ALCAM: variants seen among roughly 807,000 people sequenced by gnomAD.
ALCAM encodes the protein activated leukocyte cell adhesion molecule, also known as CD166 antigen.
Under a neutral mutation model 70.9 loss-of-function variants are expected in ALCAM, and 30 were observed. The ratio of observed to expected loss-of-function variants is 0.42; its 90% CI spans 0.32 to 0.57. ALCAM has a LOEUF of 0.57. Ranked by LOEUF, ALCAM falls within the 20% of genes least tolerant of loss-of-function variation. ALCAM has a pLI of 0.11. For missense variants in ALCAM, 591 were observed against 695.1 expected (o/e 0.85, Z 1.68); for synonymous variants, 249 against 242.5 (o/e 1.03, Z -0.25).
At chr3:105,441,916 T>C (rs961262432) in intron 1 of ALCAM, among the ~76,000 whole-genome samples, 1 of 152,222 alleles carries the variant, frequency 6.6e-6, no homozygotes, top group Non-Finnish European at 1.5e-5. Flanking sequence ...ATATATTCAT[T>C]CCAAGAGTGT....
intron 1 of ALCAM, among the ~76,000 whole-genome samples, chr3:105,437,252 ATTTTACTT>A (rs1937069606): frequency 6.6e-6 from 1 of 152,132 alleles, no homozygotes; most frequent in Admixed American, 6.5e-5. Context: ...AAGTTTTTTT[ATTTTACTT>A]ACAACTGATT....
At chr3:105,536,218 C>G (rs1171766960) in intron 6 of ALCAM, among the ~76,000 whole-genome samples, 1 of 151,788 alleles carries the variant, frequency 6.6e-6, no homozygotes, top group East Asian at 1.9e-4. Flanking sequence ...CTCAGCCTCC[C>G]AAGTAGCTGG....
chr3:105,385,609 G>A (rs1472697403), intron 1 of ALCAM, among the ~76,000 whole-genome samples: 5 of 151,522 alleles, frequency 3.3e-5, no homozygotes, highest in Non-Finnish European at 7.4e-5. Context: ...TTCTTATTTC[G>A]AAGTGGGAAG....
intron 4 of ALCAM, 128 bp downstream of exon 4, chr3:105,532,194 C>A: frequency 1.3e-6 from 1 of 764,478 alleles, no homozygotes; most frequent in Non-Finnish European, 2.2e-6. Context: ...AGCTACCAAT[C>A]AGAAATTATC....
At chr3:105,523,188 G>GCC (rs1388332865) in intron 2 of ALCAM, among the ~76,000 whole-genome samples, 1 of 146,314 alleles carries the variant, frequency 6.8e-6, no homozygotes, top group Non-Finnish European at 1.5e-5. Flanking sequence ...GAAAACACCT[G>GCC]CCATAAAGTT....
chr3:105,454,838 T>C (rs955111522), intron 1 of ALCAM, among the ~76,000 whole-genome samples: 4 of 150,558 alleles, frequency 2.7e-5, no homozygotes, highest in African/African-American at 9.7e-5. Flanking sequence ...CCCAGCTGAT[T>C]TGTGTGTGTG....
intron 6 of ALCAM, among the ~76,000 whole-genome samples, chr3:105,536,278 G>A (rs1303816191): frequency 1.3e-5 from 2 of 151,952 alleles, no homozygotes; most frequent in African/African-American, 4.8e-5. Flanking sequence ...ATTTTTAGTA[G>A]AGGTGGGGTT....
intron 14 of ALCAM, among the ~76,000 whole-genome samples, chr3:105,570,651 T>C (rs1384519705): frequency 6.6e-6 from 1 of 152,136 alleles, no homozygotes; most frequent in African/African-American, 2.4e-5. Context: ...GTAAAATAAA[T>C]AAATACATTG....
At chr3:105,501,946 T>G (rs892181634) in intron 1 of ALCAM, among the ~76,000 whole-genome samples, 2 of 152,238 alleles carry the variant, frequency 1.3e-5, no homozygotes, top group African/African-American at 4.8e-5. Flanking sequence ...CACTTATCAA[T>G]TGATATAGAG....
chr3:105,540,201 A>G, intron 7 of ALCAM, 99 bp downstream of exon 7: 2 of 1,239,002 alleles, frequency 1.6e-6, no homozygotes, highest in South Asian at 3.7e-5. Context: ...TTATTGCTGG[A>G]GACAAGAGAC....
chr3:105,511,914 C>T (rs1939249639), intron 1 of ALCAM, among the ~76,000 whole-genome samples: 1 of 151,826 alleles, frequency 6.6e-6, no homozygotes, highest in Admixed American at 6.6e-5. Flanking sequence ...CTTTTTTATC[C>T]CTGGTAATTC....
At chr3:105,436,981 A>G (rs1285379818) in intron 1 of ALCAM, among the ~76,000 whole-genome samples, 4 of 152,184 alleles carry the variant, frequency 2.6e-5, no homozygotes, top group African/African-American at 9.7e-5. Context: ...TCTTTCAACA[A>G]CTGTATTTGA....
chr3:105,534,343 G>A (rs1939916511), intron 5 of ALCAM, among the ~76,000 whole-genome samples: 1 of 152,126 alleles, frequency 6.6e-6, no homozygotes, highest in South Asian at 2.1e-4. Context: ...CTTTAAGTAT[G>A]TACTAAATTA....
At chr3:105,430,027 G>T (rs919318001) in intron 1 of ALCAM, among the ~76,000 whole-genome samples, 1 of 151,884 alleles carries the variant, frequency 6.6e-6, no homozygotes, top group African/African-American at 2.4e-5. Flanking sequence ...TTAAATCTAT[G>T]CAGTAGAGCA....
At chr3:105,472,551 T>C (rs1937964620) in intron 1 of ALCAM, among the ~76,000 whole-genome samples, 1 of 151,644 alleles carries the variant, frequency 6.6e-6, no homozygotes, top group East Asian at 1.9e-4. Flanking sequence ...TTTCCTCTTA[T>C]TCTGTCTAGA....
At chr3:105,546,335 G>T (rs992394663) in intron 9 of ALCAM, among the ~76,000 whole-genome samples, 1 of 151,292 alleles carries the variant, frequency 6.6e-6, no homozygotes, top group Non-Finnish European at 1.5e-5. Context: ...AAATTATTTT[G>T]TATTGCTTTA....
intron 1 of ALCAM, among the ~76,000 whole-genome samples, chr3:105,491,281 C>T (rs1938578254): frequency 6.6e-6 from 1 of 152,220 alleles, no homozygotes; most frequent in South Asian, 2.1e-4. Context: ...ACCATTTTTT[C>T]CTCCTAGGTC....
chr3:105,531,192 ATAACT>A (rs1328546490), intron 3 of ALCAM: 1 of 152,104 alleles, frequency 6.6e-6, no homozygotes, highest in African/African-American at 2.4e-5. Context: ...TAAGAATAAA[ATAACT>A]TAAAATCAGT....
chr3:105,529,797 T>C (rs367926161), intron 3 of ALCAM, among the ~76,000 whole-genome samples: 1 of 152,108 alleles, frequency 6.6e-6, no homozygotes, highest in South Asian at 2.1e-4. Context: ...ACAAAGTGTT[T>C]ATGATTATGG....
Sources: gnomAD v4.1 joint callset for allele counts (sites outside exome capture counted in the v4.1 genomes callset) on GRCh38, gnomAD v4.1.1 for gene constraint, MANE v1.5 for transcripts, NCBI Gene and HGNC (gene_info 2026-07-23, HGNC 2026-07-21) for gene names.